The following ZNF875 variants were observed in gnomAD, a reference collection of about 807,000 sequenced individuals.
ZNF875 encodes the protein zinc finger protein 875.
ZNF875 carries 14 observed loss-of-function variants against 11.2 expected under a neutral mutation model. That is an observed-to-expected ratio of 1.26 (90% CI 0.83 to 1.96). ZNF875 has a LOEUF of 1.96. ZNF875 is among the 30% of genes most tolerant of loss of function. ZNF875 has a pLI of 0.00. For missense variants in ZNF875, 752 were observed against 760.4 expected, an observed-to-expected ratio of 0.99 and a Z score of 0.13; for synonymous variants, 301 against 281.1, an observed-to-expected ratio of 1.07 and a Z score of -0.71.
intron 4 of ZNF875, among the ~76,000 whole-genome samples, chr19:37,355,383 T>C (rs1246764513): frequency 1.3e-5 from 2 of 152,088 alleles, no homozygotes; most frequent in African/African-American, 4.8e-5. Context: ...AGAGACAGGG[T>C]TTCACCATGT....
At position 37,347,307 on chromosome 19, in the gene ZNF875, G is replaced by C; in HGVS notation, c.151G>C (p.Val51Leu). 6.2e-7 allele frequency: 1 copy of C among 1,613,114 alleles called. No individual in the cohort carries two copies. The change falls in exon 3 of 5, where the codon GTC (valine) becomes CTC (leucine). Residue 51 changes from valine (V) to leucine (L), a missense_variant. Coordinates refer to ENST00000392153, the MANE Select transcript of ZNF875 (RefSeq NM_001353803.2). ...EVMLETYNHL[V>L]SLEIPSSKPK... ...GATGCTGGAGACTTATAACCATCTGGTCTCACTGGGTAAGAATGGCCTCCC... is the reference window on the plus strand; with the variant it reads ...GATGCTGGAGACTTATAACCATCTGCTCTCACTGGGTAAGAATGGCCTCCC...
intron 3 of ZNF875, 44 bp from the exon 4 acceptor site, chr19:37,347,733 G>A: frequency 8.0e-7 from 1 of 1,257,756 alleles, no homozygotes; most frequent in Non-Finnish European, 1.2e-6. Context: ...ATGCCCTCTT[G>A]AGCCCATAAC....
intron 4 of ZNF875, chr19:37,357,882 A>T (rs1376857484): frequency 2.5e-6 from 1 of 397,980 alleles, no homozygotes; most frequent in South Asian, 1.3e-4. Context: ...GTCTTGCATG[A>T]TTGCTTTCTC....
At chr19:37,352,199 A>G (rs2038021021) in intron 4 of ZNF875, among the ~76,000 whole-genome samples, 1 of 149,688 alleles carries the variant, frequency 6.7e-6, no homozygotes, top group African/African-American at 2.5e-5. Context: ...CTGTTATCTG[A>G]TATTAATATA....
chr19:37,364,454 A>T (rs1418852004), downstream of ZNF875: 1 of 152,392 alleles, frequency 6.6e-6, no homozygotes, highest in Non-Finnish European at 1.5e-5. Flanking sequence ...CTCACCCTTC[A>T]ATTGTCAGTG....
chr19:37,357,577 G>T (rs997503836), intron 4 of ZNF875, among the ~76,000 whole-genome samples: 4 of 152,070 alleles, frequency 2.6e-5, no homozygotes, highest in African/African-American at 4.8e-5. Context: ...TAGGCATTTT[G>T]TGTGTGTTTG....
chr19:37,329,254 C>G (rs2033011801), intron 4 of ZNF875: 1 of 152,174 alleles, frequency 6.6e-6, no homozygotes, highest in African/African-American at 2.4e-5. Flanking sequence ...GCATGTCTTT[C>G]AGAGCCTCGC....
intron 4 of ZNF875, among the ~76,000 whole-genome samples, chr19:37,358,218 C>T (rs2039277547): frequency 7.0e-6 from 1 of 141,940 alleles, no homozygotes; most frequent in Non-Finnish European, 1.5e-5. Context: ...GATCTCGGCT[C>T]ACTGCAAGCT....
upstream of ZNF875, among the ~76,000 whole-genome samples, chr19:37,332,511 C>T (rs2033560422): frequency 6.6e-6 from 1 of 152,192 alleles, no homozygotes; most frequent in Non-Finnish European, 1.5e-5. Flanking sequence ...GCCACCATGC[C>T]TGGCCAACTT....
In ZNF875 at chr19:37,347,328, C is replaced by T; in HGVS notation, c.160+12C>T. 1 of 1,607,772 alleles carries T rather than the reference C, an allele frequency of 6.2e-7. No individual in the cohort carries two copies. Among genetic ancestry groups the T allele is most frequent in the Non-Finnish European group, 8.5e-7 (1 of 1,176,244 alleles). The stretch of plus-strand genomic sequence containing the variant: ...TCTGGTCTCACTGGGTAAGAATGGC[C>T]TCCCTTGGCACTTAAAATCTGCCCT... On this transcript the variant is annotated intron_variant, in intron 3 of 4. Transcript: ENST00000392153.
In ZNF875 at chr19:37,363,010, G is replaced by T. The variant is rs1379618179; in HGVS notation, c.1158G>T (p.Arg386Ser). The T allele has an allele frequency of 6.2e-7, 1 of 1,614,230 alleles. No individual in the cohort carries two copies. The highest frequency in any genetic ancestry group is 1.1e-5 in the South Asian group (1 of 91,082). ...ATTCACACCTGGTCAGACACAAGAG[G>T]ACACATTCAGGAGAGAAGCCTTACA... ...RQHSHLVRHK[R>S]THSGEKPYIC... The change falls in exon 5 of 5, where the codon AGG becomes AGT. Residue 386 changes from arginine to serine, a missense_variant. By Grantham distance (110) the Arg-to-Ser change is moderately radical. Coordinates refer to ENST00000392153, the MANE Select transcript of ZNF875 (RefSeq NM_001353803.2).
At chr19:37,338,889 A>G (rs988057014) in intron 2 of ZNF875, among the ~76,000 whole-genome samples, 2 of 152,228 alleles carry the variant, frequency 1.3e-5, no homozygotes, top group Non-Finnish European at 2.9e-5. Context: ...AAATAATCAA[A>G]GCAAGACTAT....
chr19:37,344,688 A>C (rs1441825402), intron 2 of ZNF875: 1 of 1,613,654 alleles, frequency 6.2e-7, no homozygotes, highest in Non-Finnish European at 8.5e-7. Context: ...GTGAATCATG[A>C]GGGTCAACCA....
intron 3 of ZNF875, 159 bp downstream of exon 3, chr19:37,347,475 G>T: frequency 1.5e-6 from 1 of 676,842 alleles, no homozygotes; most frequent in Non-Finnish European, 2.5e-6. Context: ...AGAATTGAAA[G>T]CAGACAGATT....
chr19:37,343,209 C>T (rs1031791256), intron 2 of ZNF875, among the ~76,000 whole-genome samples: 1 of 151,998 alleles, frequency 6.6e-6, no homozygotes, highest in Non-Finnish European at 1.5e-5. Flanking sequence ...TGGTGGTACA[C>T]ACCTGTAGTC....
chr19:37,326,212 T>A (rs1323261825), intron 4 of ZNF875, among the ~76,000 whole-genome samples: 2 of 152,208 alleles, frequency 1.3e-5, no homozygotes, highest in Non-Finnish European at 2.9e-5. Flanking sequence ...TTTCTCAGGT[T>A]GGACTAGCCA....
chr19:37,359,667 G>A, intron 4 of ZNF875: 1 of 211,886 alleles, frequency 4.7e-6, no homozygotes, highest in Non-Finnish European at 9.6e-6. Flanking sequence ...CTCCCAAAGT[G>A]CTGGGATTAC....
At chr19:37,357,107 G>T (rs1396096458) in intron 4 of ZNF875, among the ~76,000 whole-genome samples, 1 of 152,110 alleles carries the variant, frequency 6.6e-6, no homozygotes, top group Non-Finnish European at 1.5e-5. Flanking sequence ...ATTTCTGTCA[G>T]CTTTCTCGTA....
At chr19:37,348,492 A>G (rs543233008) in intron 4 of ZNF875, among the ~76,000 whole-genome samples, 10 of 152,240 alleles carry the variant, frequency 6.6e-5, no homozygotes, top group Non-Finnish European at 1.3e-4. Context: ...TAAATCATCT[A>G]TATTGTTGTT....
Sources: allele counts gnomAD v4.1 joint callset (sites outside exome capture counted in the v4.1 genomes callset), GRCh38; gene constraint gnomAD v4.1.1; transcripts MANE v1.5; gene names NCBI Gene and HGNC (gene_info 2026-07-23, HGNC 2026-07-21).